CCPG1: variants seen among roughly 807,000 people sequenced by gnomAD.
CCPG1 encodes the protein cell cycle progression 1.
CCPG1 carries 46 observed loss-of-function variants against 81.3 expected under a neutral mutation model. The observed-to-expected ratio is 0.57, with a 90% CI of 0.45 to 0.72. CCPG1 has a LOEUF of 0.72. Among genes scored for constraint, CCPG1 ranks in the 30% least tolerant of loss-of-function variants. CCPG1 has a pLI of 0.00. For missense variants in CCPG1, 902 were observed against 937.6 expected (o/e 0.96, Z 0.50); for synonymous variants, 330 against 305.2 (o/e 1.08, Z -0.85).
At chr15:55,383,260 T>G (rs988369260) in intron 3 of CCPG1, among the ~76,000 whole-genome samples, 6 of 152,206 alleles carry the variant, frequency 3.9e-5, no homozygotes, top group African/African-American at 7.2e-5. Flanking sequence ...GAAAGGAATC[T>G]TTTTGTTCTG....
chr15:55,384,344 T>C (rs891136145), intron 3 of CCPG1, among the ~76,000 whole-genome samples: 2 of 152,110 alleles, frequency 1.3e-5, no homozygotes, highest in African/African-American at 4.8e-5. Flanking sequence ...ACTGATGTAA[T>C]AATAATGAAA....
At chr15:55,380,284 TTTTG>T (rs2056655684) in intron 3 of CCPG1, among the ~76,000 whole-genome samples, 1 of 149,472 alleles carries the variant, frequency 6.7e-6, no homozygotes, top group Non-Finnish European at 1.5e-5. Context: ...ATGCATTTCT[TTTTG>T]TTTTTTTTTT....
chr15:55,370,249 G>C (rs778428510), intron 6 of CCPG1, among the ~76,000 whole-genome samples: 3 of 152,146 alleles, frequency 2.0e-5, no homozygotes, highest in Non-Finnish European at 4.4e-5. Context: ...TAGGGTACAT[G>C]TAATTCTTCA....
At chr15:55,358,590 C>A in intron 8 of CCPG1, 1 of 985,454 alleles carries the variant, frequency 1.0e-6, no homozygotes, top group African/African-American at 1.7e-5. Flanking sequence ...AGCAAATCCT[C>A]ATTTCTCTTC....
chr15:55,356,601 A>G, intron 8 of CCPG1, 192 bp from the exon 9 acceptor site: 5 of 1,239,274 alleles, frequency 4.0e-6, no homozygotes, highest in Non-Finnish European at 5.0e-6. Flanking sequence ...CTATAGAAAG[A>G]AAAAATAGAC....
chr15:55,406,246 CT>C (rs1370867260), intron 1 of CCPG1, among the ~76,000 whole-genome samples: 2 of 144,970 alleles, frequency 1.4e-5, no homozygotes, highest in Admixed American at 1.4e-4. Flanking sequence ...AAGGGTGGGG[CT>C]TTCCACTAGA....
intron 1 of CCPG1, among the ~76,000 whole-genome samples, chr15:55,393,312 C>T (rs2056958574): frequency 6.6e-6 from 1 of 152,086 alleles, no homozygotes; most frequent in Non-Finnish European, 1.5e-5. Flanking sequence ...TGGTGGCCCA[C>T]ACCTGTTGTC....
chr15:55,362,223 T>C (rs2056216428), intron 7 of CCPG1, among the ~76,000 whole-genome samples: 3 of 152,046 alleles, frequency 2.0e-5, no homozygotes, highest in Admixed American at 2.0e-4. Context: ...AAATATCCTA[T>C]GTATAAATCT....
intron 8 of CCPG1, chr15:55,359,330 A>T: frequency 7.9e-7 from 1 of 1,264,130 alleles, no homozygotes; most frequent in East Asian, 3.1e-5. Context: ...GCTCAAGTCA[A>T]AGTGATCACG....
chr15:55,360,180 G>A lies in CCPG1; in HGVS notation c.1593C>T (p.Ser531=). Reference sequence around the variant, plus strand: ...TGGTATCTTTAAAGTGTCTGAAAGTGGATTTAACTGAATCTGAGAATTTTT... The same window carrying A: ...TGGTATCTTTAAAGTGTCTGAAAGTAGATTTAACTGAATCTGAGAATTTTT... ...NLKKFSDSVK[S]TFRHFKDTTK... is the part of the protein sequence containing the mutation. The change falls in exon 8 of 9, where the codon TCC becomes TCT. Residue 531 remains serine, a synonymous_variant. Transcript: ENST00000442196. 1 of 1,613,008 alleles carries A rather than the reference G, an allele frequency of 6.2e-7. No homozygotes were observed. Among genetic ancestry groups the A allele is most frequent in the Non-Finnish European group, 8.5e-7 (1 of 1,179,714 alleles).
At chr15:55,365,594 A>G (rs956993827) in intron 6 of CCPG1, among the ~76,000 whole-genome samples, 5 of 151,282 alleles carry the variant, frequency 3.3e-5, no homozygotes, top group Admixed American at 3.3e-4. Context: ...CTAATTTTTT[A>G]TAGAGACAGG....
chr15:55,360,437 C>T lies in CCPG1; in HGVS notation c.1336G>A (p.Asp446Asn). 6.2e-7 allele frequency: 1 copy of T among 1,613,978 alleles called. No homozygotes were observed. Among genetic ancestry groups the T allele is most frequent in the African/African-American group, 1.3e-5 (1 of 75,040 alleles). ...TCAACATACAATCTTTCCCACAAAT[C>T]AGAACGCTGCTGTTCGAAGGTTAGC... ...RKLTFEQQRS[D>N]LWERLYVEAK... is the part of the protein sequence containing the mutation. The change falls in exon 8 of 9, where the codon GAT (aspartate) becomes AAT (asparagine). Residue 446 changes from aspartate to asparagine, a missense_variant. This residue lies in a region of CCPG1 where 746 missense variants were observed against 728.6 expected (regional missense o/e 1.02). Transcript: ENST00000442196.
intron 1 of CCPG1, among the ~76,000 whole-genome samples, chr15:55,395,483 C>G (rs996058323): frequency 1.3e-5 from 2 of 152,100 alleles, no homozygotes; most frequent in Non-Finnish European, 2.9e-5. Context: ...TATTTTATCT[C>G]TAGCTCTCAT....
intron 5 of CCPG1, among the ~76,000 whole-genome samples, chr15:55,376,502 T>A (rs772697803): frequency 5.9e-5 from 9 of 152,238 alleles, no homozygotes; most frequent in Non-Finnish European, 1.3e-4. Flanking sequence ...TCACATATGG[T>A]AGGTACTCAA....
In CCPG1 at chr15:55,385,568, A is replaced by T. The variant is rs371588467; in HGVS notation, c.175+32T>A. On this transcript the variant is annotated intron_variant, in intron 3 of 8. Coordinates refer to ENST00000442196, the MANE Select transcript of CCPG1 (RefSeq NM_001204450.2). ...CATAATATCACTCATATATCATATTAAAAAAAAAATTAGAATTTGTGAACA... is the reference window on the plus strand; with the variant it reads ...CATAATATCACTCATATATCATATTTAAAAAAAAATTAGAATTTGTGAACA... 86 of 987,870 alleles carry T rather than the reference A, an allele frequency of 8.7e-5. No homozygotes were observed. The African/African-American group carries it at 1.0e-3, about 12-fold the overall frequency. 61.2% of individuals were successfully genotyped at this position (987,870 alleles called of 1,614,324 possible).
intron 3 of CCPG1, among the ~76,000 whole-genome samples, chr15:55,382,794 C>A (rs1017113129): frequency 5.3e-5 from 8 of 152,102 alleles, no homozygotes; most frequent in African/African-American, 1.9e-4. Flanking sequence ...TAGGCATGAG[C>A]CACCACACCC....
intron 2 of CCPG1, among the ~76,000 whole-genome samples, chr15:55,387,161 A>G (rs984733551): frequency 6.6e-6 from 1 of 152,192 alleles, no homozygotes; most frequent in African/African-American, 2.4e-5. Context: ...TAAAAGTACA[A>G]ATATGATTCA....
At chr15:55,380,592 G>A (rs549680713) in intron 3 of CCPG1, among the ~76,000 whole-genome samples, 9 of 151,980 alleles carry the variant, frequency 5.9e-5, no homozygotes, top group African/African-American at 2.2e-4. Context: ...ACCGCGCCCG[G>A]TCGATCATGC....
chr15:55,381,207 A>C (rs1423530139), intron 3 of CCPG1, among the ~76,000 whole-genome samples: 1 of 151,828 alleles, frequency 6.6e-6, no homozygotes, highest in Non-Finnish European at 1.5e-5. Flanking sequence ...AGGCCGAGGC[A>C]GACTGATCAG....
Sources: allele counts gnomAD v4.1 joint callset (sites outside exome capture counted in the v4.1 genomes callset), GRCh38; gene constraint gnomAD v4.1.1; regional missense constraint gnomAD v4.1.1; transcripts MANE v1.5; gene names NCBI Gene and HGNC (gene_info 2026-07-23, HGNC 2026-07-21).